The following DEFB1 variants were observed in gnomAD, a reference collection of about 807,000 sequenced individuals.
DEFB1 encodes the protein beta-defensin 1.
DEFB1 carries 4 observed loss-of-function variants against 2.6 expected under a neutral mutation model. That is an observed-to-expected ratio of 1.53 (90% CI 0.76 to 3.51). The LOEUF (loss-of-function observed/expected upper bound fraction) is 3.51, where lower values mean the gene tolerates loss of function less well. Ranked by LOEUF, DEFB1 falls within the 30% of genes most tolerant of loss-of-function variation. The probability of loss-of-function intolerance (pLI) is 0.01; values close to 1 mark genes in which losing one functional copy is unlikely to be tolerated. For missense variants in DEFB1, 162 were observed against 76.9 expected (o/e 2.11, Z -4.14); for synonymous variants, 56 against 28.5 (o/e 1.96, Z -3.07).
At chr8:6,876,572 G>A (rs1434175713) in intron 1 of DEFB1, among the ~76,000 whole-genome samples, 2 of 152,060 alleles carry the variant, frequency 1.3e-5, no homozygotes, top group African/African-American at 4.8e-5. Context: ...GAACTAGGAG[G>A]GTTGCTTGTG....
chr8:6,877,456 A>G (rs939852947), intron 1 of DEFB1, among the ~76,000 whole-genome samples: 5 of 152,344 alleles, frequency 3.3e-5, no homozygotes, highest in South Asian at 2.1e-4. Flanking sequence ...CTCTCTCTGC[A>G]TAGGAAGCTG....
At chr8:6,877,764 G>T (rs763808448) in intron 1 of DEFB1, 33 bp downstream of exon 1, 4 of 1,597,028 alleles carry the variant, frequency 2.5e-6, no homozygotes, top group Non-Finnish European at 3.4e-6. Flanking sequence ...CCAGCCCTGG[G>T]GATGGGAAAC....
intron 1 of DEFB1, among the ~76,000 whole-genome samples, chr8:6,874,266 A>G (rs1806436825): frequency 6.6e-6 from 1 of 152,194 alleles, no homozygotes; most frequent in South Asian, 2.1e-4. Flanking sequence ...TACTAACATA[A>G]AAAAAGTTAT....
chr8:6,877,066 C>T (rs376570790), intron 1 of DEFB1, among the ~76,000 whole-genome samples: 12 of 152,140 alleles, frequency 7.9e-5, no homozygotes, highest in African/African-American at 2.7e-4. Flanking sequence ...ATCATCCTTC[C>T]CAGCCCCTCA....
chr8:6,874,663 C>G lies in DEFB1; in HGVS notation c.61+3134G>C, dbSNP rs144592700. Among the ~76,000 whole-genome samples, 807 of 152,168 alleles carry G rather than the reference C, an allele frequency of 5.3e-3. 9 individuals are homozygous for G. The highest frequency in any genetic ancestry group is 0.019 in the African/African-American group (773 of 41,502). On this transcript the variant is annotated intron_variant, in intron 1 of 1. Coordinates refer to ENST00000297439, the MANE Select transcript of DEFB1 (RefSeq NM_005218.4). ...GTAGAATAGTAGTGGCTCAGCAGAA[C>G]AGTGGGGAAAAATAGTCTTATCAAC...
At chr8:6,876,837 C>A (rs1170700867) in intron 1 of DEFB1, among the ~76,000 whole-genome samples, 2 of 72,008 alleles carry the variant, frequency 2.8e-5, no homozygotes. Flanking sequence ...AAACCAAAAA[C>A]CAAAAACCAA....
intron 1 of DEFB1, among the ~76,000 whole-genome samples, chr8:6,877,481 G>A (rs1324905140): frequency 6.6e-6 from 1 of 152,348 alleles, no homozygotes; most frequent in East Asian, 1.9e-4. Context: ...CTCAGTGTGA[G>A]GAGTCGTCTT....
intron 1 of DEFB1, among the ~76,000 whole-genome samples, chr8:6,875,570 C>G (rs1312721039): frequency 1.3e-5 from 2 of 152,188 alleles, no homozygotes; most frequent in African/African-American, 4.8e-5. Flanking sequence ...TGAGCTATTG[C>G]TACACTCACC....
chr8:6,871,444 C>A (rs55980055), intron 1 of DEFB1, among the ~76,000 whole-genome samples: 241 of 152,218 alleles, frequency 1.6e-3, no homozygotes, highest in Non-Finnish European at 2.8e-3. Context: ...TCTGGAATAG[C>A]CTTCTATTCC....
At chr8:6,871,830 G>C (rs1035201969) in intron 1 of DEFB1, among the ~76,000 whole-genome samples, 1 of 152,184 alleles carries the variant, frequency 6.6e-6, no homozygotes, top group South Asian at 2.1e-4. Context: ...CAGACTTCCT[G>C]CCTCCAGGAC....
chr8:6,871,083 C>G (rs574703923), intron 1 of DEFB1, among the ~76,000 whole-genome samples: 1 of 152,334 alleles, frequency 6.6e-6, no homozygotes, highest in Admixed American at 6.5e-5. Context: ...TTTTCTTCTG[C>G]TGAGAGATTT....
intron 1 of DEFB1, among the ~76,000 whole-genome samples, chr8:6,871,198 C>A (rs1806296896): frequency 6.6e-6 from 1 of 152,224 alleles, no homozygotes; most frequent in African/African-American, 2.4e-5. Flanking sequence ...AAGCAGCTGC[C>A]ACTCTTCAAA....
At chr8:6,874,923 G>A (rs952489358) in intron 1 of DEFB1, among the ~76,000 whole-genome samples, 1 of 151,790 alleles carries the variant, frequency 6.6e-6, no homozygotes, top group Non-Finnish European at 1.5e-5. Context: ...GAGGGGTTGC[G>A]GTTAGCCAAG....
At chr8:6,875,531 T>C (rs1233799107) in intron 1 of DEFB1, among the ~76,000 whole-genome samples, 1 of 152,214 alleles carries the variant, frequency 6.6e-6, no homozygotes, top group East Asian at 1.9e-4. Context: ...ACTTATTATT[T>C]ATCAGGGAAA....
chr8:6,870,698 C>T lies in DEFB1; in HGVS notation c.190G>A (p.Ala64Thr). Residue 64 changes from alanine to threonine, a missense_variant, in exon 2 of 2, where the codon GCC becomes ACC. Transcript: ENST00000297439. ...KIQGTCYRGK[A>T]KCCK Reference sequence around the variant, plus strand: ...CTCCCAGCTCACTTGCAGCACTTGGCCTTCCCTCTGTAACAGGTGCCTTGA... The same window carrying T: ...CTCCCAGCTCACTTGCAGCACTTGGTCTTCCCTCTGTAACAGGTGCCTTGA... 6.2e-7 allele frequency: 1 copy of T among 1,614,142 alleles called. No individual in the cohort carries two copies. Among genetic ancestry groups the T allele is most frequent in the East Asian group, 2.2e-5 (1 of 44,886 alleles).
At chr8:6,870,892 C>A (rs575429899) in intron 1 of DEFB1, 66 bp from the exon 2 acceptor site, 6 of 1,522,866 alleles carry the variant, frequency 3.9e-6, no homozygotes, top group South Asian at 1.3e-5. Flanking sequence ...GAGAACATCT[C>A]GCGAAAGCAG....
intron 1 of DEFB1, among the ~76,000 whole-genome samples, chr8:6,876,802 C>CA (rs1247402371): frequency 3.3e-4 from 15 of 45,008 alleles, no homozygotes; most frequent in Middle Eastern, 0.021. Context: ...GACCCTGTCT[C>CA]AAAAAAAAAG....
intron 1 of DEFB1, 52 bp from the exon 2 acceptor site, chr8:6,870,878 A>G: frequency 6.4e-7 from 1 of 1,553,384 alleles, no homozygotes; most frequent in Non-Finnish European, 8.7e-7. Context: ...AGCTGCAACG[A>G]TTTGAGAACA....
intron 1 of DEFB1, among the ~76,000 whole-genome samples, chr8:6,871,771 C>G (rs764281114): frequency 1.3e-5 from 2 of 152,206 alleles, no homozygotes; most frequent in Non-Finnish European, 2.9e-5. Flanking sequence ...CATCTACCAG[C>G]CAAGGACAGA....
Sources: allele counts gnomAD v4.1 joint callset (sites outside exome capture counted in the v4.1 genomes callset), GRCh38; gene constraint gnomAD v4.1.1; transcripts MANE v1.5; gene names NCBI Gene and HGNC (gene_info 2026-07-23, HGNC 2026-07-21).